Variants in SLC6A6 observed in about 807,000 individuals in gnomAD.
SLC6A6 encodes the protein solute carrier family 6 member 6.
SLC6A6 carries 16 observed loss-of-function variants against 68.8 expected under a neutral mutation model. The observed-to-expected ratio is 0.23, with a 90% CI of 0.16 to 0.35. The LOEUF (loss-of-function observed/expected upper bound fraction) is 0.35. SLC6A6 is among the 10% of genes least tolerant of loss of function. SLC6A6 has a pLI of 1.00. For synonymous variants in SLC6A6, 312 were observed against 315.4 expected, an observed-to-expected ratio of 0.99 and a Z score of 0.12; for missense variants, 474 against 802.8, an observed-to-expected ratio of 0.59 and a Z score of 4.95.
intron 1 of SLC6A6, among the ~76,000 whole-genome samples, chr3:14,407,443 C>T (rs1156453472): frequency 6.6e-6 from 1 of 152,036 alleles, no homozygotes; most frequent in East Asian, 1.9e-4. Context: ...AGAACATTTC[C>T]AGCACCTCAG....
At chr3:14,441,650 C>T (rs545755915) in intron 2 of SLC6A6, among the ~76,000 whole-genome samples, 1 of 152,364 alleles carries the variant, frequency 6.6e-6, no homozygotes, top group South Asian at 2.1e-4. Context: ...TCCTCGAGCA[C>T]AGCCCCTGTG....
At chr3:14,464,991 G>A (rs1574955383) in intron 6 of SLC6A6, among the ~76,000 whole-genome samples, 1 of 152,166 alleles carries the variant, frequency 6.6e-6, no homozygotes, top group Non-Finnish European at 1.5e-5. Context: ...TGATGCCCTG[G>A]GCACGTCCTT....
At chr3:14,479,215 T>C (rs1232933537) in intron 13 of SLC6A6, 30 bp downstream of exon 13, 2 of 1,339,662 alleles carry the variant, frequency 1.5e-6, no homozygotes, top group Admixed American at 3.3e-5. Flanking sequence ...CTCTGGCTGG[T>C]GGCCTCTTCT....
chr3:14,456,090 G>GC (rs1700360849), intron 5 of SLC6A6, among the ~76,000 whole-genome samples: 1 of 152,236 alleles, frequency 6.6e-6, no homozygotes, highest in Non-Finnish European at 1.5e-5. Flanking sequence ...CTGTGACCAT[G>GC]GGCAAGTGGA....
chr3:14,418,014 C>G (rs1574912435), intron 2 of SLC6A6, among the ~76,000 whole-genome samples: 1 of 152,332 alleles, frequency 6.6e-6, no homozygotes, highest in Non-Finnish European at 1.5e-5. Flanking sequence ...TCATTAAATA[C>G]ATTTTACAAT....
chr3:14,442,186 G>T (rs1700005766), intron 2 of SLC6A6, among the ~76,000 whole-genome samples: 1 of 152,158 alleles, frequency 6.6e-6, no homozygotes, highest in African/African-American at 2.4e-5. Flanking sequence ...GCTCACTGTG[G>T]TCCAACCTTC....
chr3:14,472,436 G>T lies in SLC6A6; in HGVS notation c.1209+119G>T, dbSNP rs1700773388. ...CTTCCCCCCTCCAGTCAGACTTCCA[G>T]TGCTTCAGCTGTGAGGGTTCCTCCA... On this transcript the variant is annotated intron_variant, in intron 10 of 14. Coordinates refer to ENST00000622186, the MANE Select transcript of SLC6A6 (RefSeq NM_003043.6). This position sits in a 1 kb window ranked among gnomAD's most constrained non-coding sequence, Gnocchi z 4.5. 4.4e-6 allele frequency: 3 copies of T among 683,638 alleles called. No homozygotes were observed. The African/African-American group carries it at 5.3e-5, about 12-fold the overall frequency. The allele number at this position is 683,638 out of a possible 1,614,324, so 42.3% of individuals were successfully genotyped here. A position where few individuals can be genotyped will look rare whatever the true frequency, so the allele number is the denominator to read the frequency against.
intron 2 of SLC6A6, among the ~76,000 whole-genome samples, chr3:14,433,508 C>T (rs1386270028): frequency 6.6e-6 from 1 of 152,044 alleles, no homozygotes; most frequent in Non-Finnish European, 1.5e-5. Context: ...ACAGGCCCCA[C>T]CAGAAAGTGT....
At position 14,468,329 on chromosome 3, in the gene SLC6A6, A is replaced by G; in HGVS notation, c.1096+117A>G. 1 of 863,030 alleles carries G rather than the reference A, an allele frequency of 1.2e-6. No individual in the cohort carries two copies. The highest frequency in any genetic ancestry group is 3.0e-5 in the East Asian group (1 of 32,984). The allele number at this position is 863,030 out of a possible 1,614,324, so 53.5% of individuals were successfully genotyped here. A position where few individuals can be genotyped will look rare whatever the true frequency, so the allele number is the denominator to read the frequency against. ...TGAGGGGGGACGAGCCTGGTTTCTA[A>G]AATGGACCCCCCCCCCGCCACCAAG... On this transcript the variant is annotated intron_variant, in intron 9 of 14. Transcript: ENST00000622186. The surrounding 1 kb of genome is among the most constrained non-coding windows in gnomAD (Gnocchi z 4.5).
chr3:14,479,025 C>T, intron 12 of SLC6A6, 60 bp from the exon 13 acceptor site: 2 of 1,070,534 alleles, frequency 1.9e-6, no homozygotes, highest in Admixed American at 3.4e-5. Flanking sequence ...ACTCATGGCC[C>T]CTGAGCTGCT....
chr3:14,472,195 T>C lies in SLC6A6; in HGVS notation c.1097-10T>C, dbSNP rs780631640. ...CCCCTGTGCCCCTCCCCGTTTTCTT[T>C]CCTTTCTAGGTCCTGGCCTGGCCTT... is the stretch of plus-strand genomic sequence containing the variant. On this transcript the variant is annotated splice_polypyrimidine_tract_variant and intron_variant, in intron 9 of 14. Coordinates refer to ENST00000622186, the MANE Select transcript of SLC6A6 (RefSeq NM_003043.6). This position sits in a 1 kb window ranked among gnomAD's most constrained non-coding sequence, Gnocchi z 4.5. 4.4e-5 allele frequency: 69 copies of C among 1,584,052 alleles called. No homozygotes were observed. Among genetic ancestry groups the C allele is most frequent in the Non-Finnish European group, 5.8e-5 (67 of 1,152,768 alleles).
chr3:14,479,100 A>T lies in SLC6A6; in HGVS notation c.1466A>T (p.Tyr489Phe), dbSNP rs755610105. 1.2e-6 allele frequency: 2 copies of T among 1,611,558 alleles called. No homozygotes were observed. The highest frequency in any genetic ancestry group is 1.3e-5 in the African/African-American group (1 of 74,830). ...TCTCTTGCAGGAGGTGATAACCTTT[A>T]TGATGGTATTGAGGACATGATTGGC... ...IAWIYGGDNL[Y>F]DGIEDMIGYR... The change falls in exon 13 of 15, where the codon TAT becomes TTT. Residue 489 changes from tyrosine to phenylalanine, a missense_variant. By Grantham distance (22) the Tyr-to-Phe change is conservative. This residue lies in a region of SLC6A6 where 194 missense variants were observed against 269.8 expected (regional missense o/e 0.72). Transcript: ENST00000622186.
rs1700905440 is a variant in SLC6A6, at chr3:14,477,457, C to A, written c.1347+115C>A. On this transcript the variant is annotated intron_variant, in intron 11 of 14. Coordinates refer to ENST00000622186, the MANE Select transcript of SLC6A6 (RefSeq NM_003043.6). The surrounding 1 kb of genome is among the most constrained non-coding windows in gnomAD (Gnocchi z 4.2). ...AGGTAGGGGCTTCATCTCCCAGCCC[C>A]ACCCAATTCAGGGGTCCTGCTTGGA... 1.8e-6 allele frequency: 2 copies of A among 1,082,756 alleles called. No individual in the cohort carries two copies. Among genetic ancestry groups the A allele is most frequent in the Admixed American group, 1.9e-5 (1 of 51,946 alleles). 67.1% of individuals were successfully genotyped at this position (1,082,756 alleles called of 1,614,324 possible). A position where few individuals can be genotyped will look rare whatever the true frequency, so the allele number is the denominator to read the frequency against.
At chr3:14,406,169 G>A (rs1427637328) in intron 1 of SLC6A6, among the ~76,000 whole-genome samples, 1 of 152,138 alleles carries the variant, frequency 6.6e-6, no homozygotes, top group South Asian at 2.1e-4. Flanking sequence ...GGGGAGGGGG[G>A]CGTTTTATTT....
intron 2 of SLC6A6, among the ~76,000 whole-genome samples, chr3:14,426,102 A>C (rs1409723413): frequency 1.3e-5 from 2 of 152,164 alleles, no homozygotes; most frequent in East Asian, 1.9e-4. Flanking sequence ...CTAATCCTTG[A>C]GTTAATTTGA....
intron 2 of SLC6A6, among the ~76,000 whole-genome samples, chr3:14,437,196 T>C (rs1417019291): frequency 6.6e-6 from 1 of 152,182 alleles, no homozygotes; most frequent in African/African-American, 2.4e-5. Flanking sequence ...AAAAGATGCA[T>C]ATTCTGCTTG....
chr3:14,442,124 G>A (rs919616399), intron 2 of SLC6A6, among the ~76,000 whole-genome samples: 22 of 152,354 alleles, frequency 1.4e-4, no homozygotes, highest in African/African-American at 3.8e-4. Context: ...CAAGGGTCAC[G>A]TGACAAGGTG....
rs1700656708 is a variant in SLC6A6, at chr3:14,467,848, C to T, written c.868-5C>T. 2 of 1,594,514 alleles carry T rather than the reference C, an allele frequency of 1.3e-6. No individual in the cohort carries two copies. Among genetic ancestry groups the T allele is most frequent in the South Asian group, 2.2e-5 (2 of 89,736 alleles). ...CTTTCCTTGCCACCTCCCTCCCCCT[C>T]ATAGGTGTGGATTGACGCTGGGACT... On this transcript the variant is annotated splice_polypyrimidine_tract_variant and splice_region_variant and intron_variant, in intron 7 of 14. Transcript: ENST00000622186.
At chr3:14,423,440 G>A (rs1699526542) in intron 2 of SLC6A6, among the ~76,000 whole-genome samples, 1 of 152,202 alleles carries the variant, frequency 6.6e-6, no homozygotes, top group South Asian at 2.1e-4. Flanking sequence ...GCTGGACCTT[G>A]TCTCAGGTGG....
Sources: gnomAD v4.1 joint callset for allele counts (sites outside exome capture counted in the v4.1 genomes callset) on GRCh38, gnomAD v4.1.1 for gene constraint, gnomAD v4.1.1 regional missense constraint, Gnocchi (gnomAD v3.1) non-coding constraint, MANE v1.5 for transcripts, NCBI Gene and HGNC (gene_info 2026-07-23, HGNC 2026-07-21) for gene names.